LHFPL6: variants seen among roughly 807,000 people sequenced by gnomAD.
The protein encoded by LHFPL6 is LHFPL tetraspan subfamily member 6 protein.
A neutral mutation model predicts 20.6 loss-of-function variants in LHFPL6; 9 were observed. The ratio of observed to expected loss-of-function variants is 0.44; its 90% CI spans 0.26 to 0.76. LHFPL6 has a LOEUF of 0.76. LHFPL6 is among the 30% of genes least tolerant of loss of function. The pLI is 0.20. For missense variants in LHFPL6, 218 were observed against 253.5 expected (o/e 0.86, Z 0.95); for synonymous variants, 105 against 98.7 (o/e 1.06, Z -0.38).
At chr13:39,428,306 A>G (rs901168188) in intron 2 of LHFPL6, among the ~76,000 whole-genome samples, 1 of 152,184 alleles carries the variant, frequency 6.6e-6, no homozygotes, top group African/African-American at 2.4e-5. Flanking sequence ...TTTTCTTAAA[A>G]GTTTCATAGA....
chr13:39,414,218 G>A (rs770382270), intron 2 of LHFPL6, among the ~76,000 whole-genome samples: 16 of 152,266 alleles, frequency 1.1e-4, no homozygotes, highest in Non-Finnish European at 2.2e-4. Context: ...AAAGCATTTA[G>A]AAAGATATTA....
intron 2 of LHFPL6, among the ~76,000 whole-genome samples, chr13:39,583,666 T>A (rs942717980): frequency 3.3e-5 from 5 of 152,178 alleles, no homozygotes; most frequent in African/African-American, 1.2e-4. Context: ...CAACAAACCT[T>A]CAAGTTAACT....
intron 2 of LHFPL6, among the ~76,000 whole-genome samples, chr13:39,586,365 G>A (rs1872447598): frequency 6.6e-6 from 1 of 152,128 alleles, no homozygotes; most frequent in Non-Finnish European, 1.5e-5. Flanking sequence ...ATATGCAAAT[G>A]ATTCTAAAAT....
At chr13:39,598,963 T>C (rs965599935) in intron 2 of LHFPL6, among the ~76,000 whole-genome samples, 2 of 152,192 alleles carry the variant, frequency 1.3e-5, no homozygotes, top group African/African-American at 4.8e-5. Context: ...TTTAAAAATA[T>C]ATATAATTTC....
intron 3 of LHFPL6, among the ~76,000 whole-genome samples, chr13:39,345,152 C>T (rs1190097004): frequency 2.6e-5 from 4 of 152,166 alleles, no homozygotes; most frequent in Non-Finnish European, 5.9e-5. Context: ...CTTTGCATTA[C>T]ATTAGATACA....
At chr13:39,377,259 T>C (rs1870313809) in intron 3 of LHFPL6, among the ~76,000 whole-genome samples, 1 of 152,256 alleles carries the variant, frequency 6.6e-6, no homozygotes, top group Non-Finnish European at 1.5e-5. Flanking sequence ...TCTTCATTTC[T>C]TTACGAAGGG....
intron 2 of LHFPL6, among the ~76,000 whole-genome samples, chr13:39,439,723 C>T (rs1438166390): frequency 6.6e-6 from 1 of 152,060 alleles, no homozygotes; most frequent in East Asian, 1.9e-4. Flanking sequence ...CTCATGAGAT[C>T]TGGTTTTTTA....
intron 2 of LHFPL6, among the ~76,000 whole-genome samples, chr13:39,511,249 T>A (rs538697525): frequency 6.6e-6 from 1 of 152,230 alleles, no homozygotes; most frequent in Admixed American, 6.5e-5. Context: ...TACTTCTGTA[T>A]CCACTTTCCA....
At chr13:39,357,125 T>C (rs984428156) in intron 3 of LHFPL6, among the ~76,000 whole-genome samples, 1 of 152,156 alleles carries the variant, frequency 6.6e-6, no homozygotes, top group African/African-American at 2.4e-5. Flanking sequence ...TGAGCCGAGA[T>C]GGTGCCACTG....
chr13:39,370,437 T>C (rs1870136173), intron 3 of LHFPL6, among the ~76,000 whole-genome samples: 4 of 152,216 alleles, frequency 2.6e-5, no homozygotes, highest in Admixed American at 2.6e-4. Context: ...TTAATAGTCA[T>C]TTGGGAGGTA....
chr13:39,488,499 C>T (rs1302858088), intron 2 of LHFPL6, among the ~76,000 whole-genome samples: 2 of 152,086 alleles, frequency 1.3e-5, no homozygotes, highest in East Asian at 1.9e-4. Flanking sequence ...ACAAGGGCCT[C>T]CTCCCTTACT....
chr13:39,461,351 G>A (rs752205102), intron 2 of LHFPL6, among the ~76,000 whole-genome samples: 19 of 152,136 alleles, frequency 1.2e-4, no homozygotes, highest in Non-Finnish European at 8.8e-5. Flanking sequence ...GGGTATATAC[G>A]CAGTAATGGG....
chr13:39,344,128 C>A, intron 3 of LHFPL6, 74 bp from the exon 4 acceptor site: 1 of 1,203,318 alleles, frequency 8.3e-7, no homozygotes, highest in South Asian at 1.3e-5. Context: ...TTATTGCTTC[C>A]AGTGTGTGGG....
chr13:39,452,678 T>C (rs977663989), intron 2 of LHFPL6, among the ~76,000 whole-genome samples: 1 of 152,194 alleles, frequency 6.6e-6, no homozygotes, highest in African/African-American at 2.4e-5. Flanking sequence ...TTCTGCTGCC[T>C]CATTCAAACA....
intron 2 of LHFPL6, among the ~76,000 whole-genome samples, chr13:39,493,952 T>C (rs1480445098): frequency 6.6e-6 from 1 of 152,228 alleles, no homozygotes; most frequent in African/African-American, 2.4e-5. Context: ...CACTACATGT[T>C]TTCATCCCTC....
At chr13:39,583,215 C>A (rs1872344275) in intron 2 of LHFPL6, among the ~76,000 whole-genome samples, 1 of 149,464 alleles carries the variant, frequency 6.7e-6, no homozygotes, top group Non-Finnish European at 1.5e-5. Context: ...GCTCTGTCAC[C>A]CAGGCTGGAG....
At chr13:39,474,785 C>A (rs9576813) in intron 2 of LHFPL6, among the ~76,000 whole-genome samples, 17,865 of 151,862 alleles carry the variant, frequency 0.12, 2,575 homozygotes, top group African/African-American at 0.33. Context: ...GGGGGCAGGC[C>A]AGTACCACAG....
At chr13:39,488,746 G>C (rs937234030) in intron 2 of LHFPL6, among the ~76,000 whole-genome samples, 4 of 152,130 alleles carry the variant, frequency 2.6e-5, no homozygotes, top group Admixed American at 2.6e-4. Context: ...AAAGTACATC[G>C]CTCTTCAGTT....
At chr13:39,438,426 G>A (rs1872023062) in intron 2 of LHFPL6, among the ~76,000 whole-genome samples, 1 of 152,202 alleles carries the variant, frequency 6.6e-6, no homozygotes, top group South Asian at 2.1e-4. Context: ...TAAAAGTTTG[G>A]AAACTTTGCG....
Sources: gnomAD v4.1 joint callset for allele counts (sites outside exome capture counted in the v4.1 genomes callset) on GRCh38, gnomAD v4.1.1 for gene constraint, MANE v1.5 for transcripts, NCBI Gene and HGNC (gene_info 2026-07-23, HGNC 2026-07-21) for gene names.